Variants in FBXW11 observed in about 807,000 individuals in gnomAD.
FBXW11 encodes the protein F-box/WD repeat-containing protein 11.
FBXW11 carries 19 observed loss-of-function variants against 77.6 expected under a neutral mutation model. That is an observed-to-expected ratio of 0.24 (90% CI 0.17 to 0.36). The LOEUF is 0.36. Ranked by LOEUF, FBXW11 falls within the 10% of genes least tolerant of loss-of-function variation. FBXW11 has a pLI of 1.00. For missense variants in FBXW11, 334 were observed against 704.2 expected (o/e 0.47, Z 5.95); for synonymous variants, 235 against 249.4 (o/e 0.94, Z 0.54).
intron 2 of FBXW11, among the ~76,000 whole-genome samples, chr5:171,943,036 A>G (rs934632665): frequency 1.3e-5 from 2 of 152,138 alleles, no homozygotes; most frequent in African/African-American, 4.8e-5. Flanking sequence ...TATTGTCTTA[A>G]AGATGAAGGA....
chr5:171,969,751 GAGTAC>G, intron 1 of FBXW11, among the ~76,000 whole-genome samples: 1 of 152,290 alleles, frequency 6.6e-6, no homozygotes, highest in Non-Finnish European at 1.5e-5. Flanking sequence ...ACCCAGGCTG[GAGTAC>G]ACTGGCATGA....
Position 172,006,612 on chromosome 5 carries a change from A to G in FBXW11, c.-110T>C, listed in dbSNP as rs976123460. The stretch of plus-strand genomic sequence containing the variant: ...CGGAGGCGGCTATCGCACCCACTCT[A>G]GCTGCCAGCCCGCCCGGGCCGCCGG... On this transcript the variant is annotated 5_prime_UTR_variant, in exon 1 of 14. Coordinates refer to ENST00000517395, the MANE Select transcript of FBXW11 (RefSeq NM_001378974.1). 1.5e-6 allele frequency: 2 copies of G among 1,314,754 alleles called. No individual in the cohort carries two copies. Among genetic ancestry groups the G allele is most frequent in the South Asian group, 2.1e-5 (1 of 48,406 alleles). 81.4% of individuals were successfully genotyped at this position (1,314,754 alleles called of 1,614,324 possible). A position where few individuals can be genotyped will look rare whatever the true frequency, so the allele number is the denominator to read the frequency against.
chr5:171,896,130 CA>C (rs1439913233), intron 6 of FBXW11, among the ~76,000 whole-genome samples: 1 of 152,144 alleles, frequency 6.6e-6, no homozygotes, highest in African/African-American at 2.4e-5. Flanking sequence ...AGCGCAGATT[CA>C]GAGATGAACA....
intron 2 of FBXW11, among the ~76,000 whole-genome samples, chr5:171,928,367 G>A (rs891001048): frequency 2.6e-5 from 4 of 152,098 alleles, no homozygotes; most frequent in Non-Finnish European, 4.4e-5. Flanking sequence ...AAAACCCAAC[G>A]ATGTTTTTTG....
In FBXW11 at chr5:171,875,737, T is replaced by C. The variant is rs1313832565; in HGVS notation, c.1221+548A>G. 2.6e-5 allele frequency among the ~76,000 whole-genome samples: 4 copies of C among 152,178 alleles called. No individual in the cohort carries two copies. The East Asian group carries it at 7.7e-4, about 29-fold the overall frequency. ...AGACTTCAACTCCTTGTTACAAGTC[T>C]GCCTCCCCCTTCACCGCATGCTAAG... On this transcript the variant is annotated intron_variant, in intron 9 of 13. Coordinates refer to ENST00000517395, the MANE Select transcript of FBXW11 (RefSeq NM_001378974.1).
chr5:171,903,767 T>A (rs1285761586), intron 4 of FBXW11, among the ~76,000 whole-genome samples: 2 of 152,028 alleles, frequency 1.3e-5, no homozygotes, highest in African/African-American at 4.8e-5. Context: ...TGCCTCAGCC[T>A]CCCTAGTAGC....
At chr5:171,936,352 G>A (rs1026969853) in intron 2 of FBXW11, among the ~76,000 whole-genome samples, 7 of 151,550 alleles carry the variant, frequency 4.6e-5, no homozygotes, top group African/African-American at 1.7e-4. Context: ...TTAGCCAGAT[G>A]TGGTAGCCCG....
At chr5:171,967,400 C>T (rs554730789) in intron 1 of FBXW11, among the ~76,000 whole-genome samples, 1 of 152,194 alleles carries the variant, frequency 6.6e-6, no homozygotes, top group African/African-American at 2.4e-5. Flanking sequence ...AGAAATCATG[C>T]TATACGAATA....
intron 1 of FBXW11, among the ~76,000 whole-genome samples, chr5:171,961,515 A>G (rs1032745935): frequency 2.0e-5 from 3 of 152,230 alleles, no homozygotes; most frequent in African/African-American, 7.2e-5. Context: ...AAAACAAGGT[A>G]GGTTCCTCTT....
At chr5:171,987,160 C>G (rs531990683) in intron 1 of FBXW11, among the ~76,000 whole-genome samples, 71 of 152,320 alleles carry the variant, frequency 4.7e-4, no homozygotes, top group Admixed American at 1.4e-3. Context: ...TTCTAGGAAA[C>G]TGGTCCCTGG....
At chr5:171,866,830 C>T (rs998845764) in intron 13 of FBXW11, among the ~76,000 whole-genome samples, 6 of 152,156 alleles carry the variant, frequency 3.9e-5, no homozygotes, top group African/African-American at 1.4e-4. Flanking sequence ...TTTTAAAGCT[C>T]CATTCAATAA....
At chr5:171,930,761 A>AG (rs1348556184) in intron 2 of FBXW11, among the ~76,000 whole-genome samples, 96 of 68,966 alleles carry the variant, frequency 1.4e-3, no homozygotes, top group South Asian at 3.7e-3. Flanking sequence ...AAATAAAAAA[A>AG]TAAAAAAAAA....
chr5:171,920,253 A>G (rs1761515076), intron 2 of FBXW11, among the ~76,000 whole-genome samples: 1 of 152,182 alleles, frequency 6.6e-6, no homozygotes, highest in Admixed American at 6.5e-5. Context: ...GAAGTAGCGT[A>G]AGCTTCCATT....
At chr5:171,901,466 C>CT (rs2113887576) in intron 4 of FBXW11, among the ~76,000 whole-genome samples, 1 of 152,288 alleles carries the variant, frequency 6.6e-6, no homozygotes, top group African/African-American at 2.4e-5. Flanking sequence ...CTAAGAATGA[C>CT]TATTATTATA....
intron 1 of FBXW11, among the ~76,000 whole-genome samples, chr5:172,002,743 G>A (rs1766493822): frequency 7.3e-6 from 1 of 136,456 alleles, no homozygotes; most frequent in African/African-American, 2.9e-5. Context: ...TGTTACCCAG[G>A]CTGGAGTGCA....
At chr5:172,003,907 A>G (rs1766568195) in intron 1 of FBXW11, among the ~76,000 whole-genome samples, 1 of 152,234 alleles carries the variant, frequency 6.6e-6, no homozygotes, top group Admixed American at 6.5e-5. Flanking sequence ...AATGAAAGTT[A>G]TCTTGTTAAG....
intron 2 of FBXW11, among the ~76,000 whole-genome samples, chr5:171,924,671 G>A (rs1761789481): frequency 6.6e-6 from 1 of 152,108 alleles, no homozygotes; most frequent in South Asian, 2.1e-4. Flanking sequence ...ATGACAGGAA[G>A]CAGCCACGGG....
chr5:171,994,478 A>G (rs904252339), intron 1 of FBXW11, among the ~76,000 whole-genome samples: 5 of 152,216 alleles, frequency 3.3e-5, no homozygotes, highest in Non-Finnish European at 7.3e-5. Flanking sequence ...AACTTTTCAG[A>G]TTTCAGATTT....
chr5:171,878,630 G>GTGTA (rs1758296467), intron 7 of FBXW11, among the ~76,000 whole-genome samples: 1 of 149,870 alleles, frequency 6.7e-6, no homozygotes, highest in South Asian at 2.1e-4. Context: ...GTGTGTGTGT[G>GTGTA]TGTTTTAATT....
Sources: gnomAD v4.1 joint callset for allele counts (sites outside exome capture counted in the v4.1 genomes callset) on GRCh38, gnomAD v4.1.1 for gene constraint, MANE v1.5 for transcripts, NCBI Gene and HGNC (gene_info 2026-07-23, HGNC 2026-07-21) for gene names.